The following PCLO variants were observed in gnomAD, a reference collection of about 807,000 sequenced individuals.
PCLO encodes protein piccolo.
In PCLO, 82 loss-of-function variants were observed where a neutral mutation model predicts 427.5. That is an observed-to-expected ratio of 0.19 (90% CI 0.16 to 0.23). PCLO has a LOEUF of 0.23. Ranked by LOEUF, PCLO falls within the 10% of genes least tolerant of loss-of-function variation. The probability of loss-of-function intolerance (pLI) is 1.00; values close to 1 mark genes in which losing one functional copy is unlikely to be tolerated. For synonymous variants in PCLO, 2,357 were observed against 2,155.4 expected (o/e 1.09, Z -2.59); for missense variants, 6,239 against 6,115.9 (o/e 1.02, Z -0.67).
At chr7:83,131,592 C>G (rs562642344) in intron 3 of PCLO, among the ~76,000 whole-genome samples, 1 of 152,218 alleles carries the variant, frequency 6.6e-6, no homozygotes, top group South Asian at 2.1e-4. Flanking sequence ...GTTGGACATA[C>G]TTCATAAGAA....
At chr7:82,919,507 G>A (rs1199010178) in intron 6 of PCLO, among the ~76,000 whole-genome samples, 2 of 151,966 alleles carry the variant, frequency 1.3e-5, no homozygotes, top group East Asian at 1.9e-4. Flanking sequence ...TATTTTAAAT[G>A]GTTTTAAAAC....
At chr7:83,015,081 T>A (rs1788173348) in intron 3 of PCLO, among the ~76,000 whole-genome samples, 2 of 152,098 alleles carry the variant, frequency 1.3e-5, no homozygotes, top group Admixed American at 1.3e-4. Context: ...ACATTATTAT[T>A]CAAGATGACA....
At position 82,953,997 on chromosome 7, in the gene PCLO, G is replaced by A. The variant is rs1795438518; in HGVS notation, c.6956C>T (p.Ala2319Val). The change falls in exon 5 of 25, where the codon GCT becomes GTT. Residue 2319 changes from alanine (A) to valine (V), a missense_variant. Ala to Val is a moderately conservative substitution (Grantham distance 64, BLOSUM62 0). Coordinates refer to ENST00000333891, the MANE Select transcript of PCLO (RefSeq NM_033026.6). Reference sequence around the variant, plus strand: ...CTCCAACTCCTTTTTATCTCTGTAAGCTTCCAAAACTTCCAGAATGATTCC... The same window carrying A: ...CTCCAACTCCTTTTTATCTCTGTAAACTTCCAAAACTTCCAGAATGATTCC... ...GNGIILEVLEAYRDKKELEAE... is the reference protein window; with the variant it reads ...GNGIILEVLEVYRDKKELEAE... 2 of 1,613,814 alleles carry A rather than the reference G, an allele frequency of 1.2e-6. No individual in the cohort carries two copies. Among genetic ancestry groups the A allele is most frequent in the Admixed American group, 1.7e-5 (1 of 59,990 alleles).
In PCLO at chr7:82,966,230, A is replaced by T; in HGVS notation, c.3558T>A (p.Pro1186=). The part of the protein sequence containing the change: ...VKETLSMEKI[P]PMVTTDQKQE... Reference sequence around the variant, plus strand: ...GTTTTTGATCTGTGGTTACCATAGGAGGAATTTTTTCCATTGATAGTGTTT... The same window carrying T: ...GTTTTTGATCTGTGGTTACCATAGGTGGAATTTTTTCCATTGATAGTGTTT... Residue 1186 remains proline (P), a synonymous_variant, in exon 4 of 25, where the codon CCT becomes CCA. Transcript: ENST00000333891. The T allele has an allele frequency of 6.2e-7, 1 of 1,611,112 alleles. No individual in the cohort carries two copies. The highest frequency in any genetic ancestry group is 8.5e-7 in the Non-Finnish European group (1 of 1,179,294).
rs1247746863 is a variant in PCLO, at chr7:82,838,207, A to G, written c.14222+11T>C. ...AAAGCATGAGATGAAGTACTTCTTA[A>G]TTTTACTTACCCTCTCCCTGGAAGA... On this transcript the variant is annotated intron_variant, in intron 15 of 24. Coordinates refer to ENST00000333891, the MANE Select transcript of PCLO (RefSeq NM_033026.6). 6.3e-7 allele frequency: 1 copy of G among 1,590,128 alleles called. No homozygotes were observed. Among genetic ancestry groups the G allele is most frequent in the East Asian group, 2.3e-5 (1 of 44,270 alleles).
intron 3 of PCLO, among the ~76,000 whole-genome samples, chr7:83,107,553 G>A (rs6467931): frequency 0.47 from 71,573 of 150,828 alleles, 17,498 homozygotes; most frequent in East Asian, 0.72. Flanking sequence ...ATATATTTAG[G>A]TACAGATATA....
chr7:82,836,388 A>G (rs919795052), intron 15 of PCLO, among the ~76,000 whole-genome samples: 2 of 152,178 alleles, frequency 1.3e-5, no homozygotes, highest in African/African-American at 2.4e-5. Context: ...GAATGAAGTT[A>G]TCAGTTTGTT....
chr7:82,950,108 C>T lies in PCLO; in HGVS notation c.10480G>A (p.Val3494Ile), dbSNP rs779483317. The T allele has an allele frequency of 6.8e-6, 11 of 1,610,844 alleles. No individual in the cohort carries two copies. Among genetic ancestry groups the T allele is most frequent in the East Asian group, 6.7e-5 (3 of 44,742 alleles). Residue 3494 changes from valine (V) to isoleucine (I), a missense_variant, in exon 6 of 25, where the codon GTA becomes ATA. Val to Ile is a conservative substitution (Grantham distance 29). This residue lies in a region of PCLO where 4,677 missense variants were observed against 4,468.4 expected (regional missense o/e 1.05). Transcript: ENST00000333891. ...GTCATGCTGTCACCATATTTCCCTA[C>T]ACGAGCTTTCCTCCTTGATCTAGTA... ...MPTRSRRKAR[V>I]GKYGDSMTEA...
At position 82,908,509 on chromosome 7, in the gene PCLO, C is replaced by G. The variant is rs575724166; in HGVS notation, c.13437+368G>C. Among the ~76,000 whole-genome samples the G allele has an allele frequency of 1.8e-3, 274 of 152,182 alleles. 2 individuals are homozygous for G. Among genetic ancestry groups the G allele is most frequent in the African/African-American group, 6.2e-3 (256 of 41,548 alleles). The stretch of plus-strand genomic sequence containing the variant: ...TGGCCATGCTCTCACTTGCTCTTAG[C>G]ATCTGAACATGTTGTTATTGGAAAG... On this transcript the variant is annotated intron_variant, in intron 8 of 24. Transcript: ENST00000333891.
intron 3 of PCLO, among the ~76,000 whole-genome samples, chr7:82,989,639 A>C (rs569407066): frequency 6.6e-6 from 1 of 152,196 alleles, no homozygotes; most frequent in Non-Finnish European, 1.5e-5. Flanking sequence ...ATGATCTTAC[A>C]TCTACTAATA....
chr7:82,830,365 A>AC (rs1366462037), intron 16 of PCLO, among the ~76,000 whole-genome samples: 5 of 151,940 alleles, frequency 3.3e-5, no homozygotes, highest in Non-Finnish European at 7.4e-5. Context: ...CTAATGACTT[A>AC]ATTTGATGGT....
chr7:82,866,345 T>C (rs990143224), intron 10 of PCLO, among the ~76,000 whole-genome samples: 1 of 151,984 alleles, frequency 6.6e-6, no homozygotes, highest in African/African-American at 2.4e-5. Flanking sequence ...ATATATTATA[T>C]GAGATATATT....
chr7:83,001,595 C>T (rs1300696276), intron 3 of PCLO, among the ~76,000 whole-genome samples: 2 of 151,748 alleles, frequency 1.3e-5, no homozygotes, highest in African/African-American at 4.8e-5. Flanking sequence ...TCAAACTTAG[C>T]GGCTGAGAAC....
intron 6 of PCLO, among the ~76,000 whole-genome samples, chr7:82,921,148 G>T (rs1455318157): frequency 6.6e-6 from 1 of 151,640 alleles, no homozygotes; most frequent in Non-Finnish European, 1.5e-5. Flanking sequence ...TCACCATACT[G>T]CCCAAAGCAA....
intron 22 of PCLO, among the ~76,000 whole-genome samples, chr7:82,764,634 G>A (rs1356534992): frequency 6.6e-6 from 1 of 151,868 alleles, no homozygotes; most frequent in Non-Finnish European, 1.5e-5. Flanking sequence ...CAATAAGAGT[G>A]CAGAGGTTGA....
intron 6 of PCLO, among the ~76,000 whole-genome samples, chr7:82,936,073 A>G (rs1454195761): frequency 6.6e-6 from 1 of 151,644 alleles, no homozygotes; most frequent in Non-Finnish European, 1.5e-5. Context: ...TAAACAGTAG[A>G]CCTCGTAGAT....
At chr7:82,940,335 C>A (rs1050230606) in intron 6 of PCLO, among the ~76,000 whole-genome samples, 4 of 152,066 alleles carry the variant, frequency 2.6e-5, no homozygotes, top group Non-Finnish European at 5.9e-5. Context: ...CACATTTATT[C>A]ATGTCGAAAG....
intron 4 of PCLO, among the ~76,000 whole-genome samples, chr7:82,958,365 C>A (rs1795580187): frequency 6.6e-6 from 1 of 151,250 alleles, no homozygotes; most frequent in Non-Finnish European, 1.5e-5. Flanking sequence ...TCCTTCCTTT[C>A]CTCCCTCCCT....
intron 6 of PCLO, among the ~76,000 whole-genome samples, chr7:82,923,884 G>A (rs2116309770): frequency 6.6e-6 from 1 of 152,056 alleles, no homozygotes; most frequent in Admixed American, 6.6e-5. Flanking sequence ...TGGACCAGAT[G>A]ATTCTATATT....
Sources: allele counts gnomAD v4.1 joint callset (sites outside exome capture counted in the v4.1 genomes callset), GRCh38; gene constraint gnomAD v4.1.1; regional missense constraint gnomAD v4.1.1; transcripts MANE v1.5; gene names NCBI Gene and HGNC (gene_info 2026-07-23, HGNC 2026-07-21).